Variants in CHAF1A observed in about 807,000 individuals in gnomAD.
CHAF1A encodes the protein chromatin assembly factor 1 subunit A, also known as CAF-1 subunit A.
A neutral mutation model predicts 93.2 loss-of-function variants in CHAF1A; 5 were observed. That is an observed-to-expected ratio of 0.05 (90% confidence interval 0.03 to 0.11). CHAF1A has a LOEUF of 0.11. Ranked by LOEUF, CHAF1A falls within the 10% of genes least tolerant of loss-of-function variation. CHAF1A has a pLI of 1.00. For synonymous variants in CHAF1A, 504 were observed against 510.3 expected, an observed-to-expected ratio of 0.99 and a Z score of 0.17; for missense variants, 1,102 against 1,259.9, an observed-to-expected ratio of 0.87 and a Z score of 1.90.
downstream of CHAF1A, chr19:4,447,081 T>G: frequency 1.5e-6 from 1 of 654,914 alleles, no homozygotes; most frequent in Non-Finnish European, 2.6e-6. Flanking sequence ...GCAAACCTGC[T>G]TTTCTACGGT....
intron 4 of CHAF1A, among the ~76,000 whole-genome samples, chr19:4,421,569 G>A (rs1029950226): frequency 8.5e-5 from 13 of 152,138 alleles, no homozygotes; most frequent in South Asian, 4.1e-4. Context: ...TTGAGGCCAC[G>A]TGTTCAAGAC....
At chr19:4,437,871 G>C (rs552033786) in intron 13 of CHAF1A, among the ~76,000 whole-genome samples, 135 of 152,014 alleles carry the variant, frequency 8.9e-4, no homozygotes, top group Non-Finnish European at 1.5e-3. Context: ...TCCCAAGTAG[G>C]TGGGACTACA....
At chr19:4,406,215 C>T (rs1973676853) in intron 2 of CHAF1A, among the ~76,000 whole-genome samples, 1 of 151,822 alleles carries the variant, frequency 6.6e-6, no homozygotes, top group Non-Finnish European at 1.5e-5. Context: ...TTGTAGGGAG[C>T]GTAGCAGCAT....
chr19:4,415,545 C>T (rs1389088029), intron 3 of CHAF1A, among the ~76,000 whole-genome samples: 2 of 152,218 alleles, frequency 1.3e-5, no homozygotes, highest in African/African-American at 2.4e-5. Context: ...CAGTTAAATC[C>T]CTCAGCGTGG....
intron 7 of CHAF1A, among the ~76,000 whole-genome samples, 196 bp downstream of exon 7, chr19:4,424,070 G>A (rs1303365720): frequency 6.6e-6 from 1 of 152,220 alleles, no homozygotes; most frequent in African/African-American, 2.4e-5. Context: ...GAGGTAAAAA[G>A]TGGCATGTCT....
chr19:4,424,885 T>C (rs1442533643), intron 7 of CHAF1A, among the ~76,000 whole-genome samples: 1 of 152,236 alleles, frequency 6.6e-6, no homozygotes, highest in Non-Finnish European at 1.5e-5. Context: ...TCCGCCCGCC[T>C]CAGCCTCCCG....
chr19:4,445,671 C>A (rs1352543750), downstream of CHAF1A: 1 of 1,587,216 alleles, frequency 6.3e-7, no homozygotes, highest in East Asian at 2.3e-5. Flanking sequence ...TCGGCCCTTG[C>A]CGCGGCAGGG....
chr19:4,418,707 G>A (rs376131457), intron 4 of CHAF1A, among the ~76,000 whole-genome samples: 14 of 151,940 alleles, frequency 9.2e-5, no homozygotes, highest in African/African-American at 2.2e-4. Context: ...GAGCCGCCGC[G>A]CCTGGCCAGT....
chr19:4,446,504 G>GCCT, downstream of CHAF1A: 1 of 1,607,570 alleles, frequency 6.2e-7, no homozygotes, highest in East Asian at 2.2e-5. Flanking sequence ...GCCCACCTGA[G>GCCT]CCTCTGCTCC....
intron 3 of CHAF1A, among the ~76,000 whole-genome samples, chr19:4,412,758 C>CGG (rs1294866053): frequency 5.9e-5 from 9 of 152,156 alleles, no homozygotes; most frequent in Non-Finnish European, 1.2e-4. Context: ...AACACAGACT[C>CGG]GAGGTTTTGG....
intron 12 of CHAF1A, 128 bp from the exon 13 acceptor site, chr19:4,432,942 A>G: frequency 1.4e-6 from 1 of 717,526 alleles, no homozygotes; most frequent in Non-Finnish European, 2.3e-6. Flanking sequence ...TCATGAGGCC[A>G]CCTATCCCCG....
In CHAF1A at chr19:4,416,591, A is replaced by C. The variant is rs564132952; in HGVS notation, c.961-1429A>C. Reference sequence around the variant, plus strand: ...CTTTTGTCTTAAGCTTTCACTCCACATTCTAAAAAGCAGAGTTGGCTGGGC... The same window carrying C: ...CTTTTGTCTTAAGCTTTCACTCCACCTTCTAAAAAGCAGAGTTGGCTGGGC... On this transcript the variant is annotated intron_variant, in intron 3 of 14. Transcript: ENST00000301280. Among the ~76,000 whole-genome samples the C allele has an allele frequency of 4.3e-4, 66 of 152,230 alleles. 1 individual carries two copies. The highest frequency in any genetic ancestry group is 1.5e-3 in the African/African-American group (64 of 41,528).
intron 13 of CHAF1A, 97 bp from the exon 14 acceptor site, chr19:4,442,148 G>A: frequency 1.1e-6 from 1 of 910,936 alleles, no homozygotes; most frequent in Middle Eastern, 2.9e-4. Flanking sequence ...GGGGGTGGGA[G>A]GAAGGTGTCA....
chr19:4,445,394 G>A, downstream of CHAF1A: 2 of 1,558,770 alleles, frequency 1.3e-6, no homozygotes, highest in Admixed American at 1.8e-5. Flanking sequence ...ATGGGGCAGA[G>A]CCAAGTATTT....
intron 13 of CHAF1A, among the ~76,000 whole-genome samples, chr19:4,439,498 C>T (rs933272089): frequency 4.6e-5 from 7 of 152,174 alleles, no homozygotes; most frequent in Non-Finnish European, 1.5e-5. Flanking sequence ...GTGTTAAATC[C>T]TGTCTTCAGC....
intron 1 of CHAF1A, 55 bp downstream of exon 1, chr19:4,402,869 G>A: frequency 9.1e-7 from 1 of 1,095,140 alleles, no homozygotes; most frequent in Non-Finnish European, 1.1e-6. Flanking sequence ...GGCCTGGACG[G>A]GCCGAGGCGG....
chr19:4,433,875 C>T lies in CHAF1A; in HGVS notation c.2673+336C>T, dbSNP rs1277529832. On this transcript the variant is annotated intron_variant, in intron 13 of 14. Coordinates refer to ENST00000301280, the MANE Select transcript of CHAF1A (RefSeq NM_005483.3). The surrounding 1 kb of genome is among the most constrained non-coding windows in gnomAD (Gnocchi z 5.6). ...TTGTCCTCCCAAAGTGCTGGGATTA[C>T]AGGCGTGAGCCACCTCGCCTGGTGT... Among the ~76,000 whole-genome samples the T allele has an allele frequency of 1.3e-5, 2 of 152,052 alleles. No individual in the cohort carries two copies. Among genetic ancestry groups the T allele is most frequent in the Non-Finnish European group, 2.9e-5 (2 of 68,014 alleles).
At chr19:4,414,897 G>A (rs577838787) in intron 3 of CHAF1A, among the ~76,000 whole-genome samples, 3 of 152,072 alleles carry the variant, frequency 2.0e-5, no homozygotes, top group Admixed American at 6.6e-5. Flanking sequence ...CCCTGCCTCC[G>A]CTCCCCTGCT....
chr19:4,413,672 C>T (rs1437619455), intron 3 of CHAF1A, among the ~76,000 whole-genome samples: 2 of 152,152 alleles, frequency 1.3e-5, no homozygotes, highest in Non-Finnish European at 2.9e-5. Flanking sequence ...TTTATTATTT[C>T]TTCTTTAAAA....
Sources: allele counts gnomAD v4.1 joint callset (sites outside exome capture counted in the v4.1 genomes callset), GRCh38; gene constraint gnomAD v4.1.1; non-coding constraint Gnocchi (gnomAD v3.1); transcripts MANE v1.5; gene names NCBI Gene and HGNC (gene_info 2026-07-23, HGNC 2026-07-21).